ADGRL2: variants seen among roughly 807,000 people sequenced by gnomAD.
ADGRL2 encodes calcium-independent alpha-latrotoxin receptor 2.
A neutral mutation model predicts 157.4 loss-of-function variants in ADGRL2; 44 were observed. That is an observed-to-expected ratio of 0.28 (90% CI 0.22 to 0.36). The LOEUF (loss-of-function observed/expected upper bound fraction) is 0.36. Ranked by LOEUF, ADGRL2 falls within the 10% of genes least tolerant of loss-of-function variation. ADGRL2 has a pLI of 1.00. For missense variants in ADGRL2, 1,510 were observed against 1,768.9 expected (o/e 0.85, Z 2.63); for synonymous variants, 585 against 624.7 (o/e 0.94, Z 0.95).
chr1:81,726,549 C>T (rs9661929), intron 1 of ADGRL2, among the ~76,000 whole-genome samples: 2,287 of 152,158 alleles, frequency 0.015, 65 homozygotes, highest in African/African-American at 0.053. Context: ...GTTGAGAGTG[C>T]GGGTCAAACC....
At chr1:81,503,270 A>C (rs2078895299) in intron 2 of ADGRL2, 1 of 1,614,198 alleles carries the variant, frequency 6.2e-7, no homozygotes, top group Non-Finnish European at 8.5e-7. Context: ...GGGAGCGTTA[A>C]CATGTCTGTG....
At chr1:81,906,687 A>G (rs1040573295) in intron 2 of ADGRL2, among the ~76,000 whole-genome samples, 1 of 151,714 alleles carries the variant, frequency 6.6e-6, no homozygotes, top group African/African-American at 2.4e-5. Flanking sequence ...TAGTAGTTAT[A>G]TTTTCTGTTT....
chr1:81,860,179 A>G (rs904940315), intron 2 of ADGRL2, among the ~76,000 whole-genome samples: 1 of 152,178 alleles, frequency 6.6e-6, no homozygotes, highest in Non-Finnish European at 1.5e-5. Flanking sequence ...AGCCGAGATC[A>G]TGCCTCTGTA....
At chr1:81,467,515 C>A (rs1052528132) in intron 2 of ADGRL2, among the ~76,000 whole-genome samples, 1 of 152,202 alleles carries the variant, frequency 6.6e-6, no homozygotes, top group African/African-American at 2.4e-5. Context: ...GTTACCTTAG[C>A]CGGTTTTAGC....
At chr1:81,954,235 A>G (rs931714095) in intron 10 of ADGRL2, among the ~76,000 whole-genome samples, 4 of 151,874 alleles carry the variant, frequency 2.6e-5, no homozygotes, top group Admixed American at 6.6e-5. Context: ...CCTTTGGCAG[A>G]AAGAGACTAC....
chr1:81,830,257 A>C (rs542775431), intron 1 of ADGRL2, among the ~76,000 whole-genome samples: 2 of 152,174 alleles, frequency 1.3e-5, no homozygotes, highest in African/African-American at 4.8e-5. Flanking sequence ...TTAGCACTGG[A>C]TATCCATTAA....
At chr1:81,471,486 A>G (rs967597780) in intron 2 of ADGRL2, among the ~76,000 whole-genome samples, 5 of 152,162 alleles carry the variant, frequency 3.3e-5, no homozygotes, top group African/African-American at 1.2e-4. Context: ...ATAAGGACTC[A>G]TTAGTATCCT....
chr1:81,971,488 G>A (rs1658731600), intron 16 of ADGRL2, among the ~76,000 whole-genome samples: 1 of 152,068 alleles, frequency 6.6e-6, no homozygotes, highest in African/African-American at 2.4e-5. Context: ...GGCAAATTTT[G>A]AAAATTATAT....
chr1:81,426,748 C>T, intron 1 of ADGRL2: 2 of 465,028 alleles, frequency 4.3e-6, no homozygotes, highest in Admixed American at 2.4e-5. Context: ...CTCAACCACA[C>T]AGGTTGGTGG....
intron 2 of ADGRL2, among the ~76,000 whole-genome samples, chr1:81,867,302 A>G (rs1427431651): frequency 2.0e-5 from 3 of 152,182 alleles, no homozygotes; most frequent in Non-Finnish European, 2.9e-5. Context: ...ACTGTTGAAC[A>G]AGGTAGCATT....
rs1203246870 is a variant in ADGRL2 at position 81,667,341 on chromosome 1, C to CT, written c.-143+86367dup. On this transcript the variant is annotated intron_variant, in intron 3 of 24. Coordinates refer to the ADGRL2 transcript ENST00000370721. Reference sequence around the variant, plus strand: ...AGTCATTAAAAAACTGCTTATAACACTTTTTTCCTGAAAATCTCTCCCTTT... The same window carrying CT: ...AGTCATTAAAAAACTGCTTATAACACTTTTTTTCCTGAAAATCTCTCCCTTT... 5.3e-5 allele frequency among the ~76,000 whole-genome samples: 8 copies of CT among 152,274 alleles called. No individual in the cohort carries two copies. The East Asian group carries it at 1.5e-3, about 29-fold the overall frequency.
chr1:81,972,815 G>T (rs899492093), intron 17 of ADGRL2, among the ~76,000 whole-genome samples: 2 of 151,864 alleles, frequency 1.3e-5, no homozygotes, highest in African/African-American at 2.4e-5. Flanking sequence ...AGGAGGCAGA[G>T]GCAGAAGGAT....
At chr1:81,702,051 T>C (rs530214119) in intron 1 of ADGRL2, among the ~76,000 whole-genome samples, 53 of 152,294 alleles carry the variant, frequency 3.5e-4, no homozygotes, top group Non-Finnish European at 6.8e-4. Flanking sequence ...ACCTCTGTCT[T>C]GAGGGTTGAA....
chr1:81,739,386 T>C (rs2085001096), intron 1 of ADGRL2, among the ~76,000 whole-genome samples: 1 of 152,218 alleles, frequency 6.6e-6, no homozygotes, highest in Admixed American at 6.5e-5. Context: ...CATATAGTAA[T>C]TGCCCAATAA....
chr1:81,811,478 G>A (rs940082197), intron 1 of ADGRL2, among the ~76,000 whole-genome samples: 1 of 151,372 alleles, frequency 6.6e-6, no homozygotes, highest in African/African-American at 2.4e-5. Flanking sequence ...TTTATAACAC[G>A]TTGCCCCCGA....
intron 2 of ADGRL2, among the ~76,000 whole-genome samples, chr1:81,461,514 G>A (rs2077927861): frequency 1.3e-5 from 2 of 152,250 alleles, no homozygotes; most frequent in Non-Finnish European, 2.9e-5. Context: ...AGTGTTAACT[G>A]TCCATTTATT....
chr1:81,951,893 G>A, intron 8 of ADGRL2, 64 bp from the exon 9 acceptor site: 2 of 1,301,360 alleles, frequency 1.5e-6, no homozygotes, highest in Admixed American at 4.6e-5. Flanking sequence ...AGATACTCAA[G>A]GAGAACTAGA....
intron 3 of ADGRL2, among the ~76,000 whole-genome samples, chr1:81,680,712 A>T (rs570662142): frequency 9.4e-4 from 143 of 152,100 alleles, no homozygotes; most frequent in Admixed American, 2.2e-3. Flanking sequence ...CAGAAAAAAA[A>T]TTTTTTTTAA....
chr1:81,919,716 T>C (rs1467468188), intron 3 of ADGRL2, among the ~76,000 whole-genome samples: 1 of 152,204 alleles, frequency 6.6e-6, no homozygotes, highest in African/African-American at 2.4e-5. Context: ...TAGAATTCTA[T>C]GTAAACTTGA....
Sources: gnomAD v4.1 joint callset for allele counts (sites outside exome capture counted in the v4.1 genomes callset) on GRCh38, gnomAD v4.1.1 for gene constraint, MANE v1.5 for transcripts, NCBI Gene and HGNC (gene_info 2026-07-23, HGNC 2026-07-21) for gene names.